GRM5: variants seen among roughly 807,000 people sequenced by gnomAD.
GRM5 encodes glutamate metabotropic receptor 5.
GRM5 carries 19 observed loss-of-function variants against 83.1 expected under a neutral mutation model. The observed-to-expected ratio is 0.23, with a 90% confidence interval of 0.16 to 0.34. GRM5 has a LOEUF of 0.34. Among genes scored for constraint, GRM5 ranks in the 10% least tolerant of loss-of-function variants. The probability of loss-of-function intolerance (pLI) is 1.00; values close to 1 mark genes in which losing one functional copy is unlikely to be tolerated. For missense variants in GRM5, 1,160 were observed against 1,588.3 expected (o/e 0.73, Z 4.58); for synonymous variants, 675 against 633.6 (o/e 1.07, Z -0.98).
chr11:88,810,580 G>A (rs772707046), intron 3 of GRM5, among the ~76,000 whole-genome samples: 10 of 152,012 alleles, frequency 6.6e-5, no homozygotes, highest in Non-Finnish European at 1.2e-4. Context: ...GCATCCTGAA[G>A]AAGGCATAAA....
rs562976304 is a variant in GRM5, at chr11:88,706,261, A to C, written c.912-52858T>G. ...TCTTTGAAGGTCCAGTTGTGTTACC[A>C]TTCCCAGAAGCAGTCCCTAAGCCCT... On this transcript the variant is annotated intron_variant, in intron 3 of 9. Coordinates refer to ENST00000305447, the MANE Select transcript of GRM5 (RefSeq NM_001143831.3). Among the ~76,000 whole-genome samples, 24 of 152,146 alleles carry C rather than the reference A, an allele frequency of 1.6e-4. No individual in the cohort carries two copies. The East Asian group carries it at 2.3e-3, about 15-fold the overall frequency.
At chr11:88,798,745 C>T in intron 3 of GRM5, among the ~76,000 whole-genome samples, 1 of 146,942 alleles carries the variant, frequency 6.8e-6, no homozygotes, top group Non-Finnish European at 1.5e-5. Flanking sequence ...GGATTGAAAT[C>T]CCTGACACTG....
At chr11:88,989,335 A>G (rs371358633) in intron 2 of GRM5, among the ~76,000 whole-genome samples, 10,441 of 137,938 alleles carry the variant, frequency 0.076, 1,381 homozygotes, top group African/African-American at 0.28. Flanking sequence ...TATGCACCCA[A>G]TACAGTAGCA....
chr11:88,655,987 T>A lies in GRM5; in HGVS notation c.912-2584A>T, dbSNP rs184450572. On this transcript the variant is annotated intron_variant, in intron 3 of 9. Transcript: ENST00000305447. ...TTAGCTTATTAAACATTAACATTTTTATATAAATATGCTTTTAAGATTTGC... is the reference window on the plus strand; with the variant it reads ...TTAGCTTATTAAACATTAACATTTTAATATAAATATGCTTTTAAGATTTGC... Among the ~76,000 whole-genome samples, 1,013 of 152,290 alleles carry A rather than the reference T, an allele frequency of 6.7e-3. 4 individuals are homozygous for A. The highest frequency in any genetic ancestry group is 0.011 in the Non-Finnish European group (720 of 68,002).
At chr11:88,814,072 T>C (rs1943630003) in intron 3 of GRM5, among the ~76,000 whole-genome samples, 1 of 152,324 alleles carries the variant, frequency 6.6e-6, no homozygotes, top group African/African-American at 2.4e-5. Flanking sequence ...CTGACCATAA[T>C]GTTTTAACAG....
At chr11:88,940,228 G>C (rs1315620) in intron 2 of GRM5, among the ~76,000 whole-genome samples, 1 of 150,468 alleles carries the variant, frequency 6.6e-6, no homozygotes, top group East Asian at 2.0e-4. Context: ...TTGTGTTCTA[G>C]CATCTATTTG....
chr11:88,606,409 C>G (rs904994329), intron 4 of GRM5, among the ~76,000 whole-genome samples: 1 of 152,192 alleles, frequency 6.6e-6, no homozygotes, highest in Non-Finnish European at 1.5e-5. Context: ...CTAATCCCAG[C>G]TACTCAGGAG....
chr11:88,585,553 T>C (rs1172513742), intron 7 of GRM5, among the ~76,000 whole-genome samples: 3 of 152,232 alleles, frequency 2.0e-5, no homozygotes, highest in Non-Finnish European at 4.4e-5. Flanking sequence ...TCAGTTCCAT[T>C]TCAGTTCCTG....
At chr11:88,602,263 G>C (rs1938020801) in intron 5 of GRM5, among the ~76,000 whole-genome samples, 1 of 152,078 alleles carries the variant, frequency 6.6e-6, no homozygotes, top group Non-Finnish European at 1.5e-5. Flanking sequence ...TATTATGTTA[G>C]GGGCATTATA....
intron 2 of GRM5, among the ~76,000 whole-genome samples, chr11:89,035,311 A>T (rs1239620747): frequency 6.6e-6 from 1 of 151,832 alleles, no homozygotes; most frequent in Non-Finnish European, 1.5e-5. Flanking sequence ...TGTCTTACTT[A>T]ACTTTTATAT....
chr11:88,983,989 A>G (rs1339576427), intron 2 of GRM5, among the ~76,000 whole-genome samples: 4 of 152,214 alleles, frequency 2.6e-5, no homozygotes, highest in African/African-American at 9.6e-5. Flanking sequence ...GAATATAAAG[A>G]AAATAATTGT....
intron 7 of GRM5, among the ~76,000 whole-genome samples, chr11:88,580,014 A>G (rs952645207): frequency 1.3e-5 from 2 of 152,234 alleles, no homozygotes; most frequent in African/African-American, 2.4e-5. Context: ...GGATTAGCCA[A>G]TGGGATTTCT....
chr11:88,844,503 C>T (rs898943544), intron 3 of GRM5, among the ~76,000 whole-genome samples: 4 of 146,550 alleles, frequency 2.7e-5, no homozygotes, highest in African/African-American at 7.4e-5. Flanking sequence ...TGTTTACATG[C>T]CTGCTAACAC....
At chr11:88,544,517 A>G (rs1431323123) in intron 8 of GRM5, among the ~76,000 whole-genome samples, 1 of 151,782 alleles carries the variant, frequency 6.6e-6, no homozygotes, top group South Asian at 2.1e-4. Context: ...CTCCCCACTA[A>G]CCTCTGTTTT....
chr11:88,641,396 C>T (rs1939289166), intron 4 of GRM5, among the ~76,000 whole-genome samples: 3 of 151,906 alleles, frequency 2.0e-5, no homozygotes, highest in Non-Finnish European at 4.4e-5. Flanking sequence ...ATATATTATG[C>T]TGCCCCTGGC....
At chr11:88,540,847 C>G (rs968808312) in intron 8 of GRM5, among the ~76,000 whole-genome samples, 8 of 151,876 alleles carry the variant, frequency 5.3e-5, no homozygotes, top group African/African-American at 1.9e-4. Context: ...CCTGGGTTCA[C>G]GCCATTCTCC....
At chr11:88,647,291 A>T (rs1235695318) in intron 4 of GRM5, among the ~76,000 whole-genome samples, 1 of 152,076 alleles carries the variant, frequency 6.6e-6, no homozygotes, top group East Asian at 1.9e-4. Context: ...ACAGACATGA[A>T]TTGAGGAAAA....
intron 2 of GRM5, among the ~76,000 whole-genome samples, chr11:89,025,141 A>T (rs1941098911): frequency 6.6e-6 from 1 of 152,208 alleles, no homozygotes; most frequent in Non-Finnish European, 1.5e-5. Context: ...GTACTGGCAT[A>T]AGGAAAAAAA....
chr11:88,914,548 G>A (rs1565289840), intron 2 of GRM5, among the ~76,000 whole-genome samples: 1 of 152,160 alleles, frequency 6.6e-6, no homozygotes, highest in Non-Finnish European at 1.5e-5. Context: ...AATAATACAA[G>A]TGAGGAGACA....
Sources: gnomAD v4.1 joint callset for allele counts (sites outside exome capture counted in the v4.1 genomes callset) on GRCh38, gnomAD v4.1.1 for gene constraint, MANE v1.5 for transcripts, NCBI Gene and HGNC (gene_info 2026-07-23, HGNC 2026-07-21) for gene names.